The following STARD13 variants were observed in gnomAD, a reference collection of about 807,000 sequenced individuals.
STARD13 encodes StAR related lipid transfer domain containing 13.
STARD13 carries 62 observed loss-of-function variants against 106.4 expected under a neutral mutation model. The observed-to-expected ratio is 0.58, with a 90% CI of 0.48 to 0.72. The LOEUF is 0.72. STARD13 is among the 30% of genes least tolerant of loss of function. The pLI is 0.00. For missense variants in STARD13, 1,387 were observed against 1,424.0 expected (o/e 0.97, Z 0.42); for synonymous variants, 565 against 553.0 (o/e 1.02, Z -0.31).
intron 1 of STARD13, among the ~76,000 whole-genome samples, chr13:33,343,447 C>T (rs566621736): frequency 1.3e-5 from 2 of 150,778 alleles, no homozygotes; most frequent in East Asian, 2.0e-4. Context: ...GGAGTGGTGA[C>T]GCAAGCCTGT....
At chr13:33,410,335 C>T in the STARD13 span, among the ~76,000 whole-genome samples, 2 of 152,312 alleles carry the variant, frequency 1.3e-5, no homozygotes, top group East Asian at 3.9e-4. Context: ...GTGCTATACA[C>T]CCTCTCTTCA....
intron 1 of STARD13, among the ~76,000 whole-genome samples, chr13:33,225,381 G>T (rs370552646): frequency 6.6e-6 from 1 of 152,186 alleles, no homozygotes; most frequent in African/African-American, 2.4e-5. Context: ...TCTGGCCGCC[G>T]TCTGTACATC....
chr13:33,148,479 A>G (rs1453342669), intron 3 of STARD13, among the ~76,000 whole-genome samples: 1 of 152,234 alleles, frequency 6.6e-6, no homozygotes, highest in African/African-American at 2.4e-5. Context: ...TTAAAAAGGC[A>G]CTCAACATCA....
rs536755683 is a variant in STARD13 at position 33,166,028 on chromosome 13, C to T, written c.242-610G>A. Among the ~76,000 whole-genome samples, 3 of 152,276 alleles carry T rather than the reference C, an allele frequency of 2.0e-5. No homozygotes were observed. The East Asian group carries it at 5.8e-4, about 29-fold the overall frequency. The stretch of plus-strand genomic sequence containing the variant: ...AACATGGTGTGAATTCTGGGTACCT[C>T]GTTCATGGAGGTAGCAATCTGCAGC... On this transcript the variant is annotated intron_variant, in intron 2 of 13. Coordinates refer to ENST00000336934, the MANE Select transcript of STARD13 (RefSeq NM_178006.4).
chr13:33,655,117 G>A, the STARD13 span, among the ~76,000 whole-genome samples: 2 of 152,330 alleles, frequency 1.3e-5, no homozygotes, highest in Admixed American at 6.5e-5. Context: ...TGACTTTAAT[G>A]GGACGAGCAG....
chr13:33,573,138 T>A, the STARD13 span, among the ~76,000 whole-genome samples: 2 of 152,262 alleles, frequency 1.3e-5, no homozygotes, highest in East Asian at 3.9e-4. Flanking sequence ...ACAGGAACAG[T>A]CTAGACTACG....
the STARD13 span, among the ~76,000 whole-genome samples, chr13:33,512,521 G>A: frequency 1.3e-4 from 20 of 152,006 alleles, no homozygotes; most frequent in Admixed American, 5.2e-4. Flanking sequence ...AGGCTGGAGT[G>A]CAGTGGCGTG....
chr13:33,165,477 T>C (rs1883215047), intron 2 of STARD13, 59 bp from the exon 3 acceptor site: 1 of 1,265,170 alleles, frequency 7.9e-7, no homozygotes, highest in East Asian at 2.3e-5. Context: ...AGCACCAACA[T>C]ATTCAGACCT....
intron 1 of STARD13, among the ~76,000 whole-genome samples, chr13:33,334,438 A>G (rs1304066145): frequency 1.3e-5 from 2 of 152,164 alleles, no homozygotes; most frequent in Non-Finnish European, 2.9e-5. Flanking sequence ...AAGCTCCTTC[A>G]CTTACCTCAT....
the STARD13 span, among the ~76,000 whole-genome samples, chr13:33,448,684 G>T: frequency 6.6e-6 from 1 of 152,104 alleles, no homozygotes; most frequent in Admixed American, 6.6e-5. Flanking sequence ...CCGCCATACT[G>T]TTTTCCATAA....
intron 1 of STARD13, among the ~76,000 whole-genome samples, chr13:33,225,572 G>T (rs899731285): frequency 6.6e-6 from 1 of 152,086 alleles, no homozygotes; most frequent in Non-Finnish European, 1.5e-5. Context: ...TTGTTTTTAG[G>T]TCTTTTCTGT....
chr13:33,219,190 T>C (rs1888205537), intron 1 of STARD13, among the ~76,000 whole-genome samples: 1 of 152,108 alleles, frequency 6.6e-6, no homozygotes, highest in Non-Finnish European at 1.5e-5. Flanking sequence ...ACGCCACAGT[T>C]CCAGGGCATG....
At chr13:33,474,168 G>T in the STARD13 span, among the ~76,000 whole-genome samples, 2 of 152,170 alleles carry the variant, frequency 1.3e-5, no homozygotes, top group African/African-American at 4.8e-5. Flanking sequence ...GCAAGATGGA[G>T]TTCCACGTAT....
chr13:33,188,646 T>C (rs1885983555), intron 1 of STARD13, among the ~76,000 whole-genome samples: 1 of 152,234 alleles, frequency 6.6e-6, no homozygotes, highest in South Asian at 2.1e-4. Flanking sequence ...GAGGATTCAA[T>C]TTTCTCCCCG....
the STARD13 span, among the ~76,000 whole-genome samples, chr13:33,491,894 C>T: frequency 1.3e-5 from 2 of 152,190 alleles, no homozygotes; most frequent in African/African-American, 2.4e-5. Flanking sequence ...GACCACCAAA[C>T]AGGCTTTATG....
the STARD13 span, among the ~76,000 whole-genome samples, chr13:33,624,215 C>T: frequency 6.6e-6 from 1 of 152,172 alleles, no homozygotes; most frequent in African/African-American, 2.4e-5. Flanking sequence ...AAACTAGTAA[C>T]AACCCAAATG....
the STARD13 span, among the ~76,000 whole-genome samples, chr13:33,621,285 A>G: frequency 1.3e-5 from 2 of 152,182 alleles, no homozygotes; most frequent in African/African-American, 4.8e-5. Context: ...ATAGAAGAAT[A>G]GTGAAAATAT....
intron 4 of STARD13, among the ~76,000 whole-genome samples, chr13:33,141,302 TG>T (rs1295256653): frequency 6.6e-6 from 1 of 152,196 alleles, no homozygotes; most frequent in African/African-American, 2.4e-5. Flanking sequence ...TGCAAGATCG[TG>T]GGCAATGACC....
chr13:33,661,095 T>C, the STARD13 span, among the ~76,000 whole-genome samples: 4 of 152,252 alleles, frequency 2.6e-5, no homozygotes, highest in Non-Finnish European at 5.9e-5. Flanking sequence ...GCTTGTATTA[T>C]ATCTGGCAAC....
Sources: gnomAD v4.1 joint callset for allele counts (sites outside exome capture counted in the v4.1 genomes callset) on GRCh38, gnomAD v4.1.1 for gene constraint, MANE v1.5 for transcripts, NCBI Gene and HGNC (gene_info 2026-07-23, HGNC 2026-07-21) for gene names.